Variants in OC90 observed in about 807,000 individuals in gnomAD.
OC90 encodes the protein otoconin 90.
A neutral mutation model predicts 47.3 loss-of-function variants in OC90; 46 were observed. The observed-to-expected ratio is 0.97, with a 90% CI of 0.77 to 1.24. OC90 has a LOEUF of 1.24. Among genes scored for constraint, OC90 ranks in the 50% most tolerant of loss-of-function variants. OC90 has a pLI of 0.00. For missense variants in OC90, 688 were observed against 583.9 expected (o/e 1.18, Z -1.84); for synonymous variants, 271 against 219.5 (o/e 1.23, Z -2.07).
At chr8:132,054,780 G>A (rs1253346159) in intron 2 of OC90, among the ~76,000 whole-genome samples, 1 of 152,130 alleles carries the variant, frequency 6.6e-6, no homozygotes, top group Non-Finnish European at 1.5e-5. Flanking sequence ...CCACAAGGTA[G>A]TTGCAAACTA....
At chr8:132,031,303 C>T (rs1258053701) in intron 12 of OC90, among the ~76,000 whole-genome samples, 2 of 152,192 alleles carry the variant, frequency 1.3e-5, no homozygotes, top group Non-Finnish European at 2.9e-5. Context: ...TGGCACAGAG[C>T]AAAAGCTCAA....
At chr8:132,038,425 G>C (rs1242023039) in intron 8 of OC90, among the ~76,000 whole-genome samples, 1 of 152,086 alleles carries the variant, frequency 6.6e-6, no homozygotes, top group Non-Finnish European at 1.5e-5. Context: ...AGCTTACTTA[G>C]TTAGGAGAGA....
chr8:132,042,709 A>G (rs4588833), intron 4 of OC90, among the ~76,000 whole-genome samples: 110,678 of 151,606 alleles, frequency 0.73, 40,616 homozygotes, highest in East Asian at 0.76. Flanking sequence ...AATCCAAACC[A>G]CAACGAGACA....
intron 4 of OC90, among the ~76,000 whole-genome samples, chr8:132,042,720 C>T (rs1209036736): frequency 6.6e-6 from 1 of 152,162 alleles, no homozygotes; most frequent in African/African-American, 2.4e-5. Context: ...CAACGAGACA[C>T]CATCTCACAC....
intron 8 of OC90, 108 bp from the exon 9 acceptor site, chr8:132,037,596 G>A: frequency 5.3e-6 from 5 of 944,952 alleles, no homozygotes; most frequent in African/African-American, 1.6e-5. Context: ...GGGAGGAAAG[G>A]GGCTGAGAAA....
intron 12 of OC90, among the ~76,000 whole-genome samples, chr8:132,030,797 C>T (rs912601071): frequency 6.6e-6 from 1 of 152,134 alleles, no homozygotes; most frequent in African/African-American, 2.4e-5. Context: ...ATAATGAAGC[C>T]GGGATGGCTG....
rs116491466 is a variant in OC90, at chr8:132,024,667, G to A, written c.1248C>T (p.Leu416=). The part of the protein sequence containing the change: ...FNQSLKSPSR[L]GCPGQPAACE... ...AGGCTGCTGGCTGCCCAGGGCACCC[G>A]AGTCTGCTTGGGGACTTGAGGCTTT... is the stretch of plus-strand genomic sequence containing the variant. The change falls in exon 14 of 14, where the codon CTC becomes CTT. Residue 416 remains leucine, a synonymous_variant. Transcript: ENST00000254627. 1.7e-3 allele frequency: 2,725 copies of A among 1,613,340 alleles called. 35 individuals are homozygous for A. In the African/African-American group the frequency reaches 0.031, roughly 18 times the overall value.
In OC90 at chr8:132,029,132, C is replaced by G. The variant is rs368728586; in HGVS notation, c.1079G>C (p.Gly360Ala). The change falls in exon 13 of 14, where the codon GGC becomes GCC. Residue 360 changes from glycine (G) to alanine (A), a missense_variant. Physicochemically the swap from Gly to Ala is moderately conservative, Grantham distance 60. Transcript: ENST00000254627. ...HCCLEQVRRL[G>A]CLLERLPWSP... ...CCAAGGAAGCCTCTCAAGCAGGCAG[C>G]CCAGCCTTCTCACTTGCTCTAGGCA... The G allele has an allele frequency of 9.3e-6, 15 of 1,613,832 alleles. No individual in the cohort carries two copies. The highest frequency in any genetic ancestry group is 2.7e-5 in the African/African-American group (2 of 74,918).
At chr8:132,032,345 T>A (rs1822889405) in intron 11 of OC90, among the ~76,000 whole-genome samples, 1 of 152,140 alleles carries the variant, frequency 6.6e-6, no homozygotes, top group South Asian at 2.1e-4. Flanking sequence ...AAGATGCTGT[T>A]TGGGGCCACA....
At chr8:132,053,055 G>T (rs1335594809) in intron 2 of OC90, among the ~76,000 whole-genome samples, 1 of 152,096 alleles carries the variant, frequency 6.6e-6, no homozygotes, top group Non-Finnish European at 1.5e-5. Context: ...GCCTTTGCTT[G>T]TACTGCACCC....
intron 10 of OC90, 51 bp downstream of exon 10, chr8:132,034,730 A>C: frequency 7.7e-7 from 1 of 1,293,948 alleles, no homozygotes. Context: ...GTCAAGGACA[A>C]AGGACATAAA....
intron 2 of OC90, among the ~76,000 whole-genome samples, chr8:132,048,875 C>G (rs1453036952): frequency 6.6e-6 from 1 of 151,502 alleles, no homozygotes; most frequent in East Asian, 1.9e-4. Context: ...GCTGCAACCC[C>G]CTATGACCCA....
chr8:132,029,963 C>T (rs1218431093), intron 12 of OC90, among the ~76,000 whole-genome samples: 1 of 152,224 alleles, frequency 6.6e-6, no homozygotes, highest in South Asian at 2.1e-4. Context: ...AGGGATAAGT[C>T]GTAGGCTCTT....
At chr8:132,034,091 G>A (rs545153606) in intron 10 of OC90, among the ~76,000 whole-genome samples, 1 of 152,162 alleles carries the variant, frequency 6.6e-6, no homozygotes, top group Non-Finnish European at 1.5e-5. Flanking sequence ...ACAAATAGAA[G>A]CAAGTTATCT....
At chr8:132,055,554 A>G (rs1023255494) in intron 1 of OC90, among the ~76,000 whole-genome samples, 1 of 152,246 alleles carries the variant, frequency 6.6e-6, no homozygotes, top group Non-Finnish European at 1.5e-5. Context: ...AGCATTCCCA[A>G]TGCACCTTTG....
At chr8:132,047,296 A>G (rs978703268) in intron 2 of OC90, among the ~76,000 whole-genome samples, 2 of 150,750 alleles carry the variant, frequency 1.3e-5, no homozygotes, top group African/African-American at 4.9e-5. Flanking sequence ...ACTATTACTT[A>G]TTAATGCGTA....
chr8:132,052,083 A>C (rs1406830258), intron 2 of OC90, among the ~76,000 whole-genome samples: 1 of 152,160 alleles, frequency 6.6e-6, no homozygotes, highest in East Asian at 1.9e-4. Context: ...ATCTAGGGGC[A>C]GGGATGGGAG....
At chr8:132,028,633 G>GAGA in intron 13 of OC90, among the ~76,000 whole-genome samples, 1 of 94,772 alleles carries the variant, frequency 1.1e-5, no homozygotes, top group African/African-American at 4.1e-5. Flanking sequence ...AAGGAAGGAA[G>GAGA]GAAAGAAAGG....
At chr8:132,032,476 C>A (rs771236242) in intron 11 of OC90, among the ~76,000 whole-genome samples, 1 of 152,096 alleles carries the variant, frequency 6.6e-6, no homozygotes, top group Non-Finnish European at 1.5e-5. Context: ...CTCTCCGTCT[C>A]CCCACTCCCC....
Sources: gnomAD v4.1 joint callset for allele counts (sites outside exome capture counted in the v4.1 genomes callset) on GRCh38, gnomAD v4.1.1 for gene constraint, MANE v1.5 for transcripts, NCBI Gene and HGNC (gene_info 2026-07-23, HGNC 2026-07-21) for gene names.